Variants in DIS3L2 observed in about 807,000 individuals in gnomAD.
DIS3L2 encodes the protein DIS3 like 3'-5' exoribonuclease 2, also known as DIS3-like exonuclease 2.
In DIS3L2, 34 loss-of-function variants were observed where a neutral mutation model predicts 97.5. That is an observed-to-expected ratio of 0.35 (90% CI 0.27 to 0.46). The LOEUF is 0.46. Ranked by LOEUF, DIS3L2 falls within the 20% of genes least tolerant of loss-of-function variation. The pLI is 1.00. For missense variants in DIS3L2, 1,038 were observed against 1,146.0 expected (o/e 0.91, Z 1.36); for synonymous variants, 435 against 445.2 (o/e 0.98, Z 0.29).
chr2:232,171,768 C>G (rs1690997208), intron 9 of DIS3L2, among the ~76,000 whole-genome samples: 1 of 152,114 alleles, frequency 6.6e-6, no homozygotes, highest in South Asian at 2.1e-4. Context: ...GATGAATGGG[C>G]CCTAAAGTAG....
chr2:232,012,811 G>C (rs1413106778), intron 1 of DIS3L2, among the ~76,000 whole-genome samples: 1 of 152,182 alleles, frequency 6.6e-6, no homozygotes, highest in African/African-American at 2.4e-5. Context: ...GGAAGGGAAT[G>C]TTGCTTGTTC....
intron 12 of DIS3L2, among the ~76,000 whole-genome samples, chr2:232,262,014 CT>C (rs1693723267): frequency 6.6e-6 from 1 of 152,184 alleles, no homozygotes; most frequent in Admixed American, 6.5e-5. Flanking sequence ...TCTGAGTGCC[CT>C]GTGTTGTCTT....
At chr2:231,980,193 C>CA (rs1230269534) in intron 1 of DIS3L2, among the ~76,000 whole-genome samples, 2 of 152,132 alleles carry the variant, frequency 1.3e-5, no homozygotes, top group Non-Finnish European at 2.9e-5. Context: ...TACTTTTTAT[C>CA]AATGTGAAAT....
At position 232,263,316 on chromosome 2, in the gene DIS3L2, A is replaced by G. The variant is rs569521445; in HGVS notation, c.1535A>G (p.Glu512Gly). Residue 512 changes from glutamate to glycine, a missense_variant, in exon 13 of 21, where the codon GAG (glutamate) becomes GGG (glycine). Glu to Gly is a moderately conservative substitution (Grantham distance 98, BLOSUM62 -2). Coordinates refer to ENST00000325385, the MANE Select transcript of DIS3L2 (RefSeq NM_152383.5). Reference sequence around the variant, plus strand: ...CCAACTGAGAAAATCCCTGCGAAAGAGCTGCCCCCCATTTCCCCAGAGCAT... The same window carrying G: ...CCAACTGAGAAAATCCCTGCGAAAGGGCTGCCCCCCATTTCCCCAGAGCAT... Reference protein sequence around the residue: ...ESPTEKIPAKELPPISPEHSS... With the variant: ...ESPTEKIPAKGLPPISPEHSS... The G allele has an allele frequency of 6.2e-7, 1 of 1,614,184 alleles. No homozygotes were observed. The highest frequency in any genetic ancestry group is 1.1e-5 in the South Asian group (1 of 91,078).
chr2:232,019,525 C>T (rs1694454078), intron 3 of DIS3L2, among the ~76,000 whole-genome samples: 1 of 150,294 alleles, frequency 6.7e-6, no homozygotes, highest in African/African-American at 2.4e-5. Context: ...GTGCTCCAGC[C>T]TGGGCAACAG....
At chr2:231,968,120 CAG>C (rs2106214190) in intron 1 of DIS3L2, among the ~76,000 whole-genome samples, 1 of 142,664 alleles carries the variant, frequency 7.0e-6, no homozygotes, top group African/African-American at 2.6e-5. Flanking sequence ...TTTTTTGAGA[CAG>C]AGTCTTGCTC....
chr2:232,322,894 C>T, intron 14 of DIS3L2, among the ~76,000 whole-genome samples: 1 of 149,816 alleles, frequency 6.7e-6, no homozygotes, highest in East Asian at 1.9e-4. Flanking sequence ...AGCTGGCCTC[C>T]TTAAGTCTGT....
chr2:232,202,654 G>A lies in DIS3L2; in HGVS notation c.1125-7672G>A, dbSNP rs114289020. Among the ~76,000 whole-genome samples the A allele has an allele frequency of 4.9e-3, 744 of 152,346 alleles. 3 individuals carry two copies. The highest frequency in any genetic ancestry group is 8.3e-3 in the Non-Finnish European group (564 of 68,036). The stretch of plus-strand genomic sequence containing the variant: ...CCAGTGAAAAGGGCCTGCCCACAGT[G>A]CTGCATCATTTCTTTCTACTGGCCA... On this transcript the variant is annotated intron_variant, in intron 9 of 20. Coordinates refer to ENST00000325385, the MANE Select transcript of DIS3L2 (RefSeq NM_152383.5).
At chr2:232,333,146 A>C (rs1272798141) in intron 16 of DIS3L2, among the ~76,000 whole-genome samples, 7 of 105,236 alleles carry the variant, frequency 6.7e-5, no homozygotes, top group East Asian at 2.6e-4. Context: ...TCCTCCTTCC[A>C]CCACCTCCTC....
rs539029966 is a variant in DIS3L2, at chr2:232,281,674, C to T, written c.1659+18234C>T. On this transcript the variant is annotated intron_variant, in intron 13 of 20. Transcript: ENST00000325385. The surrounding 1 kb of genome is among the most constrained non-coding windows in gnomAD (Gnocchi z 4.1). ...AAGGGAGGGGGGACACCTGGATATGCCCAGGTTTCTGACAGGCAGGAAGAC... is the reference window on the plus strand; with the variant it reads ...AAGGGAGGGGGGACACCTGGATATGTCCAGGTTTCTGACAGGCAGGAAGAC... Among the ~76,000 whole-genome samples, 3 of 152,188 alleles carry T rather than the reference C, an allele frequency of 2.0e-5. No individual in the cohort carries two copies. The South Asian group carries it at 6.2e-4, about 32-fold the overall frequency.
intron 8 of DIS3L2, among the ~76,000 whole-genome samples, chr2:232,159,335 G>A (rs1022036192): frequency 2.0e-5 from 3 of 152,296 alleles, no homozygotes; most frequent in East Asian, 3.9e-4. Context: ...TGCTGCCACC[G>A]CTGCTATCAC....
At chr2:232,070,548 A>G (rs1007068099) in intron 5 of DIS3L2, among the ~76,000 whole-genome samples, 14 of 150,090 alleles carry the variant, frequency 9.3e-5, no homozygotes, top group African/African-American at 3.2e-4. Flanking sequence ...TTAGTGATTC[A>G]GTAAGGAGGC....
At chr2:231,968,812 A>G (rs1000963931) in intron 1 of DIS3L2, among the ~76,000 whole-genome samples, 16 of 152,166 alleles carry the variant, frequency 1.1e-4, no homozygotes, top group African/African-American at 3.1e-4. Flanking sequence ...TAAGTATTTC[A>G]TAGTTTTTGG....
intron 14 of DIS3L2, among the ~76,000 whole-genome samples, chr2:232,321,183 A>C (rs1695420595): frequency 6.6e-6 from 1 of 152,162 alleles, no homozygotes; most frequent in African/African-American, 2.4e-5. Flanking sequence ...AGGCCAGCAA[A>C]AGCCTGCGGG....
rs552902597 is a variant in DIS3L2 at position 232,284,344 on chromosome 2, C to T, written c.1660-15696C>T. ...TGACCCAGAGCAAGCTTCTCAACTTCTGTGAGCCTCCAGCTTCCCAGCTGT... is the reference window on the plus strand; with the variant it reads ...TGACCCAGAGCAAGCTTCTCAACTTTTGTGAGCCTCCAGCTTCCCAGCTGT... On this transcript the variant is annotated intron_variant, in intron 13 of 20. Coordinates refer to ENST00000325385, the MANE Select transcript of DIS3L2 (RefSeq NM_152383.5). Among the ~76,000 whole-genome samples the T allele has an allele frequency of 1.2e-4, 18 of 152,330 alleles. No homozygotes were observed. The South Asian group carries it at 3.7e-3, about 32-fold the overall frequency.
chr2:232,304,508 G>C (rs7587555), intron 14 of DIS3L2, among the ~76,000 whole-genome samples: 3 of 152,204 alleles, frequency 2.0e-5, no homozygotes, highest in African/African-American at 7.2e-5. Flanking sequence ...GCAACGATGA[G>C]GAAAGTGAAT....
chr2:232,154,026 G>C (rs1169719646), intron 8 of DIS3L2, among the ~76,000 whole-genome samples: 48 of 132,738 alleles, frequency 3.6e-4, no homozygotes, highest in African/African-American at 1.3e-3. Context: ...TCTTCACGTA[G>C]TTCTCGAGCC....
chr2:231,964,749 A>G (rs754762049), intron 1 of DIS3L2, among the ~76,000 whole-genome samples: 7 of 152,234 alleles, frequency 4.6e-5, no homozygotes, highest in Non-Finnish European at 8.8e-5. Flanking sequence ...ACTTTAAAGG[A>G]TATAAAAGAA....
At chr2:232,139,068 T>C (rs1161599810) in intron 8 of DIS3L2, among the ~76,000 whole-genome samples, 1 of 152,200 alleles carries the variant, frequency 6.6e-6, no homozygotes, top group Admixed American at 6.6e-5. Flanking sequence ...GTATATATCA[T>C]AGCGATAATT....
Sources: gnomAD v4.1 joint callset for allele counts (sites outside exome capture counted in the v4.1 genomes callset) on GRCh38, gnomAD v4.1.1 for gene constraint, Gnocchi (gnomAD v3.1) non-coding constraint, MANE v1.5 for transcripts, NCBI Gene and HGNC (gene_info 2026-07-23, HGNC 2026-07-21) for gene names.